Variants in CNIH3 observed in about 807,000 individuals in gnomAD.
CNIH3 encodes the protein cornichon family AMPA receptor auxiliary protein 3, also known as protein cornichon homolog 3.
In CNIH3, 14 loss-of-function variants were observed where a neutral mutation model predicts 24.1. The observed-to-expected ratio is 0.58, with a 90% confidence interval of 0.38 to 0.91. The LOEUF is 0.91. CNIH3 is among the 40% of genes least tolerant of loss of function. The pLI, the probability that CNIH3 is intolerant of heterozygous loss-of-function variation, is 0.00. For synonymous variants in CNIH3, 68 were observed against 73.8 expected (o/e 0.92, Z 0.40); for missense variants, 178 against 196.8 (o/e 0.90, Z 0.57).
chr1:224,542,314 C>T (rs190218404), downstream of CNIH3, among the ~76,000 whole-genome samples: 11 of 152,282 alleles, frequency 7.2e-5, no homozygotes, highest in East Asian at 1.2e-3. Context: ...GCCCTAGCAA[C>T]GATTTTGTAC....
chr1:224,443,080 C>T (rs916113091), intron 1 of CNIH3, among the ~76,000 whole-genome samples: 1 of 152,186 alleles, frequency 6.6e-6, no homozygotes, highest in Non-Finnish European at 1.5e-5. Context: ...GAGTTCATTT[C>T]TCCAAGAAAT....
At chr1:224,485,349 A>G (rs1397776765) in intron 1 of CNIH3, among the ~76,000 whole-genome samples, 2 of 152,194 alleles carry the variant, frequency 1.3e-5, no homozygotes, top group African/African-American at 4.8e-5. Context: ...ATAGAAGAGA[A>G]GCTCCTTTGT....
At chr1:224,716,879 G>A (rs889167801) in intron 3 of CNIH3, among the ~76,000 whole-genome samples, 2 of 152,224 alleles carry the variant, frequency 1.3e-5, no homozygotes, top group Non-Finnish European at 2.9e-5. Context: ...ATGCCGTAAA[G>A]CTCCTCATCA....
At chr1:224,454,308 TC>T (rs1375453243) in intron 1 of CNIH3, 2 of 939,354 alleles carry the variant, frequency 2.1e-6, no homozygotes, top group East Asian at 2.4e-4. Flanking sequence ...TTCCACTCTA[TC>T]AACTAATATT....
chr1:224,611,396 A>G (rs961073357), upstream of CNIH3: 5 of 152,208 alleles, frequency 3.3e-5, no homozygotes, highest in Non-Finnish European at 5.9e-5. Context: ...CCTTACTTCT[A>G]TGGGTTAAAA....
intron 1 of CNIH3, among the ~76,000 whole-genome samples, chr1:224,637,616 G>A (rs1331331393): frequency 6.6e-6 from 1 of 152,158 alleles, no homozygotes; most frequent in Non-Finnish European, 1.5e-5. Context: ...TTCTCCCTTT[G>A]TCATAGTGTT....
At chr1:224,469,372 C>T (rs1030658671) in intron 1 of CNIH3, among the ~76,000 whole-genome samples, 3 of 149,184 alleles carry the variant, frequency 2.0e-5, no homozygotes, top group Admixed American at 6.6e-5. Flanking sequence ...GTGAGCCACT[C>T]TGCCCAGCCT....
At chr1:224,729,806 C>T (rs1183237702) in intron 3 of CNIH3, among the ~76,000 whole-genome samples, 1 of 152,174 alleles carries the variant, frequency 6.6e-6, no homozygotes, top group Non-Finnish European at 1.5e-5. Context: ...CTGCTGGTCA[C>T]ACTTCCCACC....
chr1:224,649,011 C>G (rs950445431), intron 1 of CNIH3, among the ~76,000 whole-genome samples: 1 of 152,148 alleles, frequency 6.6e-6, no homozygotes, highest in African/African-American at 2.4e-5. Context: ...TTCAGCCAGC[C>G]CATCAGTGGT....
upstream of CNIH3, among the ~76,000 whole-genome samples, chr1:224,614,687 G>T (rs1042941572): frequency 6.6e-6 from 1 of 151,678 alleles, no homozygotes; most frequent in Non-Finnish European, 1.5e-5. Context: ...GGTGGCTCAC[G>T]CCTGTAATCC....
chr1:224,652,830 A>G (rs1684923285), intron 1 of CNIH3, among the ~76,000 whole-genome samples: 2 of 152,134 alleles, frequency 1.3e-5, no homozygotes, highest in Admixed American at 1.3e-4. Context: ...GTCCCTGGTG[A>G]GGGTTGGCGC....
At chr1:224,523,772 A>G (rs190490653) in intron 2 of CNIH3, among the ~76,000 whole-genome samples, 1 of 152,312 alleles carries the variant, frequency 6.6e-6, no homozygotes, top group East Asian at 1.9e-4. Flanking sequence ...TGAGAGTACA[A>G]ATCAGTGATT....
intron 1 of CNIH3, among the ~76,000 whole-genome samples, chr1:224,518,904 G>T (rs1449896694): frequency 2.0e-5 from 3 of 152,158 alleles, no homozygotes; most frequent in Non-Finnish European, 4.4e-5. Context: ...TAAGATCCAG[G>T]CTTGGTGCAA....
intron 4 of CNIH3, among the ~76,000 whole-genome samples, chr1:224,572,533 A>G (rs922072138): frequency 6.6e-6 from 1 of 151,632 alleles, no homozygotes; most frequent in Non-Finnish European, 1.5e-5. Context: ...AAAAAAAAAA[A>G]AGAATTCACT....
intron 1 of CNIH3, among the ~76,000 whole-genome samples, chr1:224,440,549 G>C (rs1674855131): frequency 2.0e-5 from 3 of 152,190 alleles, no homozygotes; most frequent in African/African-American, 7.2e-5. Context: ...CAAAAAGAAA[G>C]TGGTAATCAC....
At chr1:224,579,067 C>CTTTTTTTTTTTTT (rs60330387) in intron 4 of CNIH3, among the ~76,000 whole-genome samples, 10 of 138,912 alleles carry the variant, frequency 7.2e-5, no homozygotes, top group African/African-American at 1.3e-4. Context: ...TTTCTTTTTT[C>CTTTTTTTTTTTTT]TTTTTTTTTT....
chr1:224,536,235 G>C lies in CNIH3; in HGVS notation n.344-701G>C, dbSNP rs551168165. On this transcript the variant is annotated intron_variant and non_coding_transcript_variant, in intron 2 of 2. Transcript: ENST00000470602. ...CCCTTTCAAGCCTATTTGCATTTTG[G>C]TGGCATCCCCTTTTTTTAATTGTGG... 2.0e-5 allele frequency among the ~76,000 whole-genome samples: 3 copies of C among 150,658 alleles called. No individual in the cohort carries two copies. The South Asian group carries it at 6.3e-4, about 32-fold the overall frequency.
At chr1:224,626,212 AG>A (rs1291655441) in intron 1 of CNIH3, among the ~76,000 whole-genome samples, 2 of 152,226 alleles carry the variant, frequency 1.3e-5, no homozygotes, top group Admixed American at 6.5e-5. Context: ...TCAGATCTGC[AG>A]GGTTGGAAGT....
At chr1:224,655,115 C>T (rs1236836405) in intron 1 of CNIH3, among the ~76,000 whole-genome samples, 1 of 152,080 alleles carries the variant, frequency 6.6e-6, no homozygotes, top group Non-Finnish European at 1.5e-5. Context: ...TGTTACCACC[C>T]CTGGGTGTGA....
Sources: allele counts gnomAD v4.1 joint callset (sites outside exome capture counted in the v4.1 genomes callset), GRCh38; gene constraint gnomAD v4.1.1; transcripts MANE v1.5; gene names NCBI Gene and HGNC (gene_info 2026-07-23, HGNC 2026-07-21).